GDF6: variants seen among roughly 807,000 people sequenced by gnomAD.
The protein encoded by GDF6 is growth/differentiation factor 6.
GDF6 carries 3 observed loss-of-function variants against 32.4 expected under a neutral mutation model. That is an observed-to-expected ratio of 0.09 (90% CI 0.04 to 0.24). GDF6 has a LOEUF of 0.24. Among genes scored for constraint, GDF6 ranks in the 10% least tolerant of loss-of-function variants. GDF6 has a pLI of 1.00. For synonymous variants in GDF6, 296 were observed against 295.3 expected (o/e 1.00, Z -0.03); for missense variants, 589 against 637.9 (o/e 0.92, Z 0.83).
chr8:96,149,618 A>G (rs1223257730), intron 1 of GDF6, among the ~76,000 whole-genome samples: 1 of 152,230 alleles, frequency 6.6e-6, no homozygotes, highest in Non-Finnish European at 1.5e-5. Context: ...CAAAGGGTAC[A>G]AATTTTCAGT....
At position 96,145,129 on chromosome 8, in the gene GDF6, T is replaced by G; in HGVS notation, c.802A>C (p.Arg268=). The change falls in exon 2 of 2, where the codon AGG becomes CGG. Residue 268 remains arginine, a synonymous_variant. Coordinates refer to ENST00000287020, the MANE Select transcript of GDF6 (RefSeq NM_001001557.4). This position sits in a 1 kb window ranked among gnomAD's most constrained non-coding sequence, Gnocchi z 5.6. ...GCCCGCTCCTGGGGAGGCCGCACCC[T>G]CCGGCCGAAGCCCAGACTCCGCAGG... The part of the protein sequence containing the change: ...PDLRSLGFGR[R]VRPPQERALL... The G allele has an allele frequency of 6.6e-7, 1 of 1,516,526 alleles. No homozygotes were observed. The highest frequency in any genetic ancestry group is 8.8e-7 in the Non-Finnish European group (1 of 1,141,226). 93.9% of individuals were successfully genotyped at this position (1,516,526 alleles called of 1,614,324 possible). A position where few individuals can be genotyped will look rare whatever the true frequency, so the allele number is the denominator to read the frequency against.
chr8:96,149,041 C>T (rs894658540), intron 1 of GDF6, among the ~76,000 whole-genome samples: 2 of 152,230 alleles, frequency 1.3e-5, no homozygotes, highest in Non-Finnish European at 2.9e-5. Context: ...ATCACAGAGC[C>T]TGGCTCAGCT....
intron 1 of GDF6, among the ~76,000 whole-genome samples, chr8:96,155,842 A>G (rs1479017590): frequency 6.6e-6 from 1 of 152,218 alleles, no homozygotes; most frequent in Non-Finnish European, 1.5e-5. Flanking sequence ...GCCAACGACA[A>G]CAGGGTACCG....
intron 1 of GDF6, among the ~76,000 whole-genome samples, chr8:96,157,598 G>A (rs979942761): frequency 1.3e-5 from 2 of 152,172 alleles, no homozygotes; most frequent in African/African-American, 4.8e-5. Flanking sequence ...GCTCTAGGCG[G>A]GCCGCTGCTC....
At chr8:96,160,129 C>T (rs1812735457) in intron 1 of GDF6, among the ~76,000 whole-genome samples, 158 bp downstream of exon 1, 1 of 152,214 alleles carries the variant, frequency 6.6e-6, no homozygotes, top group Admixed American at 6.5e-5. Flanking sequence ...CAGCCACATT[C>T]AGAAACTTAC....
In GDF6 at chr8:96,143,564, C is replaced by T. The variant is rs1812407779; in HGVS notation, c.*999G>A. On this transcript the variant is annotated 3_prime_UTR_variant, in exon 2 of 2. Coordinates refer to ENST00000287020, the MANE Select transcript of GDF6 (RefSeq NM_001001557.4). ...TTTTTTTGAACTGGAAAATCACCTTCCCCTTAGAAGTGCATGTCTGAATTT... is the reference window on the plus strand; with the variant it reads ...TTTTTTTGAACTGGAAAATCACCTTTCCCTTAGAAGTGCATGTCTGAATTT... 6.5e-6 allele frequency: 1 copy of T among 152,694 alleles called. No individual in the cohort carries two copies. The highest frequency in any genetic ancestry group is 1.5e-5 in the Non-Finnish European group (1 of 68,050). The allele number at this position is 152,694 out of a possible 1,614,324, so 9.5% of individuals were successfully genotyped here. A position where few individuals can be genotyped will look rare whatever the true frequency, so the allele number is the denominator to read the frequency against.
rs1404854117 is a variant in GDF6 at position 96,160,720 on chromosome 8, G to C, written c.-28C>G. 1 of 1,611,122 alleles carries C rather than the reference G, an allele frequency of 6.2e-7. No individual in the cohort carries two copies. Among genetic ancestry groups the C allele is most frequent in the African/African-American group, 1.3e-5 (1 of 74,742 alleles). On this transcript the variant is annotated 5_prime_UTR_variant, in exon 1 of 2. Transcript: ENST00000287020. ...CGGGCAAGTGGCTGCGTCTCCCCAG[G>C]AGGCGGTGGCGGCGGCGCAGGACGC...
chr8:96,153,702 T>C (rs1812609065), intron 1 of GDF6, among the ~76,000 whole-genome samples: 1 of 152,198 alleles, frequency 6.6e-6, no homozygotes, highest in Admixed American at 6.5e-5. Context: ...GTTCATTTTA[T>C]GTGACTTCCG....
chr8:96,149,769 C>T (rs1812536690), intron 1 of GDF6, among the ~76,000 whole-genome samples: 2 of 152,208 alleles, frequency 1.3e-5, no homozygotes, highest in African/African-American at 4.8e-5. Context: ...GGCATCTGTC[C>T]ACGGTCACAG....
chr8:96,153,505 G>A (rs1812605950), intron 1 of GDF6, among the ~76,000 whole-genome samples: 1 of 152,214 alleles, frequency 6.6e-6, no homozygotes, highest in Non-Finnish European at 1.5e-5. Flanking sequence ...CGGGACCTGG[G>A]GGGTTGGCTA....
chr8:96,145,369 G>A lies in GDF6; in HGVS notation c.562C>T (p.Leu188Phe). 6.4e-7 allele frequency: 1 copy of A among 1,563,358 alleles called. No homozygotes were observed. ...GPPAGPLHVQ[L>F]FPCLSPLLLD... ...AGTAGGGGCGAAAGGCAAGGGAAGA[G>A]CTGCACGTGGAGCGGCCCGGCTGGT... The change falls in exon 2 of 2, where the codon CTC becomes TTC. Residue 188 changes from leucine to phenylalanine, a missense_variant. Physicochemically the swap from Leu to Phe is conservative, Grantham distance 22. Transcript: ENST00000287020. The surrounding 1 kb of genome is among the most constrained non-coding windows in gnomAD (Gnocchi z 5.6).
intron 1 of GDF6, among the ~76,000 whole-genome samples, chr8:96,146,707 C>CACAGAGAGAGAGAGAGAGAG (rs367654279): frequency 7.1e-5 from 10 of 139,920 alleles, no homozygotes; most frequent in African/African-American, 2.6e-4. Context: ...CACACACACA[C>CACAGAGAGAGAGAGAGAGAG]AGAGAGAGAG....
At position 96,156,191 on chromosome 8, in the gene GDF6, G is replaced by T. The variant is rs148775098; in HGVS notation, c.406+4096C>A. 5.7e-4 allele frequency among the ~76,000 whole-genome samples: 87 copies of T among 152,134 alleles called. No individual in the cohort carries two copies. The East Asian group carries it at 0.016, about 28-fold the overall frequency. On this transcript the variant is annotated intron_variant, in intron 1 of 1. Transcript: ENST00000287020. ...CTTTTTGAGAATATTATTACAACAA[G>T]AAAAAAGTAAAGGGTATTCTTATTT...
chr8:96,155,578 T>C (rs1342374908), intron 1 of GDF6, among the ~76,000 whole-genome samples: 1 of 152,214 alleles, frequency 6.6e-6, no homozygotes, highest in Non-Finnish European at 1.5e-5. Flanking sequence ...GTGCCCGCGC[T>C]CATGCAGGCG....
At position 96,159,199 on chromosome 8, in the gene GDF6, G is replaced by C. The variant is rs116484508; in HGVS notation, c.406+1088C>G. Among the ~76,000 whole-genome samples, 274 of 152,260 alleles carry C rather than the reference G, an allele frequency of 1.8e-3. 2 individuals carry two copies. The highest frequency in any genetic ancestry group is 6.1e-3 in the African/African-American group (255 of 41,542). On this transcript the variant is annotated intron_variant, in intron 1 of 1. Transcript: ENST00000287020. ...TATCTGCCTAAATCGCTTTTATCCC[G>C]TCATTTTCTTCCTTCCTTCTCTTTA...
intron 1 of GDF6, among the ~76,000 whole-genome samples, chr8:96,148,330 G>A (rs1482414270): frequency 1.3e-5 from 2 of 152,222 alleles, no homozygotes; most frequent in Non-Finnish European, 2.9e-5. Context: ...TACCTTTGGG[G>A]GAACTGAATG....
intron 1 of GDF6, among the ~76,000 whole-genome samples, chr8:96,150,676 C>G (rs995600364): frequency 9.2e-5 from 14 of 152,270 alleles, no homozygotes; most frequent in Admixed American, 3.9e-4. Context: ...GCCCTGACCC[C>G]AGTCCTGCAG....
At chr8:96,159,542 C>T (rs898325354) in intron 1 of GDF6, among the ~76,000 whole-genome samples, 2 of 152,200 alleles carry the variant, frequency 1.3e-5, no homozygotes, top group Non-Finnish European at 2.9e-5. Context: ...GATGGGCATA[C>T]CCATGTACCT....
At position 96,144,292 on chromosome 8, in the gene GDF6, A is replaced by AGAGAGAGAGAGAG. The variant is rs1812428426; in HGVS notation, c.*270_*271insCTCTCTCTCTCTC. ...AGAGAGAGAGAGAGAGAGAGAGAGA[A>AGAGAGAGAGAGAG]AACAGAACAAAAGAAATCCTCCTTG... On this transcript the variant is annotated 3_prime_UTR_variant, in exon 2 of 2. Transcript: ENST00000287020. This position sits in a 1 kb window ranked among gnomAD's most constrained non-coding sequence, Gnocchi z 5.1. 6 of 321,466 alleles carry AGAGAGAGAGAGAG rather than the reference A, an allele frequency of 1.9e-5. No homozygotes were observed. The highest frequency in any genetic ancestry group is 3.2e-5 in the Non-Finnish European group (6 of 186,456). 19.9% of individuals were successfully genotyped at this position (321,466 alleles called of 1,614,324 possible).
Sources: allele counts gnomAD v4.1 joint callset (sites outside exome capture counted in the v4.1 genomes callset), GRCh38; gene constraint gnomAD v4.1.1; non-coding constraint Gnocchi (gnomAD v3.1); transcripts MANE v1.5; gene names NCBI Gene and HGNC (gene_info 2026-07-23, HGNC 2026-07-21).